ZFX: variants seen among roughly 807,000 people sequenced by gnomAD.
ZFX encodes zinc finger X-chromosomal protein.
For synonymous variants in ZFX, 196 were observed against 226.8 expected (o/e 0.86, Z 1.22); for missense variants, 362 against 628.3 (o/e 0.58, Z 4.53).
intron 5 of ZFX, among the ~76,000 whole-genome samples, chrX:24,188,397 ACT>A (rs891150552): frequency 3.6e-5 from 4 of 111,079 alleles, no homozygotes; most frequent in African/African-American, 1.3e-4. Flanking sequence ...TTAAAAAAAA[ACT>A]GTTTTCAAAG....
chrX:24,176,040 CT>C (rs760962081), intron 4 of ZFX, among the ~76,000 whole-genome samples: 2,035 of 95,727 alleles, frequency 0.021, 56 homozygotes, highest in African/African-American at 0.067. Context: ...TGAACATACT[CT>C]TTTTTTTTTT....
At chrX:24,189,072 C>T (rs1213334117) in intron 5 of ZFX, among the ~76,000 whole-genome samples, 5 of 112,018 alleles carry the variant, frequency 4.5e-5, no homozygotes, top group South Asian at 3.7e-4. Context: ...CTTCTGACCT[C>T]GTGATCCGCC....
intron 5 of ZFX, among the ~76,000 whole-genome samples, chrX:24,206,146 G>C (rs1468275945): frequency 1.8e-5 from 2 of 111,490 alleles, no homozygotes; most frequent in Non-Finnish European, 3.8e-5. Context: ...TGTATGTTAT[G>C]CATATTTACA....
intron 5 of ZFX, 39 bp downstream of exon 5, chrX:24,179,809 G>A (rs780031070): frequency 1.8e-6 from 2 of 1,119,126 alleles, no homozygotes; most frequent in Non-Finnish European, 2.4e-6. Context: ...AGGTGTTTTT[G>A]TAGGCTGCCT....
intron 3 of ZFX, among the ~76,000 whole-genome samples, chrX:24,161,522 G>A (rs1933308469): frequency 9.0e-6 from 1 of 111,265 alleles, no homozygotes; most frequent in Admixed American, 9.6e-5. Flanking sequence ...AAATTAGTGG[G>A]CGCAAAGCCA....
At position 24,212,895 on chromosome X, in the gene ZFX, T is replaced by G. The variant is rs1329741761; in HGVS notation, c.*1519T>G. 1.0e-5 allele frequency: 1 copy of G among 99,389 alleles called. No individual in the cohort carries two copies. The highest frequency in any genetic ancestry group is 1.1e-4 in the Admixed American group (1 of 9,062). 8.2% of individuals were successfully genotyped at this position (99,389 alleles called of 1,213,427 possible). ...CAGGTTTTTTGTTTGTTTGTTTTTT[T>G]TTGTTGTTTTTTTTTCTTAAGACGG... is the stretch of plus-strand genomic sequence containing the variant. On this transcript the variant is annotated 3_prime_UTR_variant, in exon 10 of 10. Coordinates refer to ENST00000304543, the MANE Select transcript of ZFX (RefSeq NM_003410.4).
intron 5 of ZFX, among the ~76,000 whole-genome samples, chrX:24,180,530 C>T (rs962071023): frequency 7.3e-5 from 8 of 110,211 alleles, no homozygotes; most frequent in Non-Finnish European, 1.3e-4. Context: ...TGTAGGCACG[C>T]ACCACCACGC....
chrX:24,199,917 C>CAA (rs750693884), intron 5 of ZFX, among the ~76,000 whole-genome samples: 2 of 70,516 alleles, frequency 2.8e-5, no homozygotes, highest in Non-Finnish European at 2.8e-5. Flanking sequence ...AACTCCGTCT[C>CAA]AAAAAAAAAA....
At chrX:24,201,084 A>G (rs907515207) in intron 5 of ZFX, among the ~76,000 whole-genome samples, 1 of 112,185 alleles carries the variant, frequency 8.9e-6, no homozygotes, top group Non-Finnish European at 1.9e-5. Context: ...CTGTTTTTAG[A>G]AATTCATTTT....
At chrX:24,192,887 C>A (rs1936634019) in intron 5 of ZFX, among the ~76,000 whole-genome samples, 1 of 101,700 alleles carries the variant, frequency 9.8e-6, no homozygotes, top group East Asian at 3.0e-4. Flanking sequence ...GAGCGAGACC[C>A]TGTCTCAAAA....
chrX:24,192,637 T>G (rs1936611712), intron 5 of ZFX, among the ~76,000 whole-genome samples: 2 of 111,839 alleles, frequency 1.8e-5, no homozygotes, highest in South Asian at 7.6e-4. Context: ...CCTGGCACAA[T>G]GGCTCACACC....
intron 5 of ZFX, among the ~76,000 whole-genome samples, chrX:24,187,837 G>T (rs1255231607): frequency 3.6e-5 from 4 of 111,217 alleles, no homozygotes; most frequent in Admixed American, 9.6e-5. Context: ...ACAGTTGAGT[G>T]TAGGAAGGTA....
chrX:24,175,705 A>G (rs1448924816), intron 4 of ZFX, among the ~76,000 whole-genome samples: 2 of 110,975 alleles, frequency 1.8e-5, no homozygotes, highest in Non-Finnish European at 1.9e-5. Flanking sequence ...CAGCCTCCCA[A>G]GTAGCTGAGA....
rs768573947 is a variant in ZFX at position 24,183,730 on chromosome X, A to ATT, written c.646+3976_646+3977dup. Among the ~76,000 whole-genome samples, 10 of 100,011 alleles carry ATT rather than the reference A, an allele frequency of 1.0e-4. No individual in the cohort carries two copies. The South Asian group carries it at 1.3e-3, about 13-fold the overall frequency. 86.8% of individuals were successfully genotyped at this position (100,011 alleles called of 115,157 possible). A position where few individuals can be genotyped will look rare whatever the true frequency, so the allele number is the denominator to read the frequency against. On this transcript the variant is annotated intron_variant, in intron 5 of 9. Transcript: ENST00000304543. ...ATAAGGTGTATATGAAACACAGATA[A>ATT]TTTTTTTTTTTTTTTTTAATTTGAG... is the stretch of plus-strand genomic sequence containing the variant.
At chrX:24,199,482 C>T (rs1249899669) in intron 5 of ZFX, among the ~76,000 whole-genome samples, 1 of 110,389 alleles carries the variant, frequency 9.1e-6, no homozygotes, top group Non-Finnish European at 1.9e-5. Context: ...TCTCTAACTC[C>T]TGGGTTTAAG....
chrX:24,154,405 C>T (rs1932571809), intron 3 of ZFX, among the ~76,000 whole-genome samples: 1 of 111,700 alleles, frequency 9.0e-6, no homozygotes, highest in East Asian at 2.8e-4. Context: ...TTTACATAAA[C>T]AGTATCATAA....
chrX:24,166,282 C>G (rs1314283416), intron 3 of ZFX, among the ~76,000 whole-genome samples: 1 of 112,142 alleles, frequency 8.9e-6, no homozygotes, highest in African/African-American at 3.2e-5. Flanking sequence ...CTTGAAATTA[C>G]TGATTGGCTC....
chrX:24,192,148 G>A (rs1004511336), intron 5 of ZFX, among the ~76,000 whole-genome samples: 1 of 111,768 alleles, frequency 8.9e-6, no homozygotes, highest in East Asian at 2.8e-4. Flanking sequence ...TATTAGACTT[G>A]CCATAGTAAG....
intron 3 of ZFX, among the ~76,000 whole-genome samples, chrX:24,153,447 A>G (rs1208159216): frequency 9.0e-6 from 1 of 111,485 alleles, no homozygotes; most frequent in Non-Finnish European, 1.9e-5. Context: ...CTCCTTAGGG[A>G]CCAAGCTCTG....
Sources: allele counts gnomAD v4.1 joint callset (sites outside exome capture counted in the v4.1 genomes callset), GRCh38; gene constraint gnomAD v4.1.1; transcripts MANE v1.5; gene names NCBI Gene and HGNC (gene_info 2026-07-23, HGNC 2026-07-21).